Variants in ATP13A4 observed in about 807,000 individuals in gnomAD.
The protein encoded by ATP13A4 is probable cation-transporting ATPase 13A4.
A neutral mutation model predicts 142.5 loss-of-function variants in ATP13A4; 114 were observed. The observed-to-expected ratio is 0.80, with a 90% CI of 0.69 to 0.93. The LOEUF is 0.93. Ranked by LOEUF, ATP13A4 falls within the 40% of genes least tolerant of loss-of-function variation. ATP13A4 has a pLI of 0.00. For missense variants in ATP13A4, 1,392 were observed against 1,454.0 expected (o/e 0.96, Z 0.69); for synonymous variants, 488 against 514.8 (o/e 0.95, Z 0.70).
intron 29 of ATP13A4, among the ~76,000 whole-genome samples, chr3:193,406,824 T>C (rs988352919): frequency 1.3e-5 from 2 of 152,084 alleles, no homozygotes; most frequent in Admixed American, 6.5e-5. Flanking sequence ...GAAAGTAGAA[T>C]AGTGATTACC....
intron 8 of ATP13A4, 101 bp from the exon 9 acceptor site, chr3:193,471,094 A>G: frequency 1.2e-5 from 16 of 1,362,418 alleles, no homozygotes; most frequent in Non-Finnish European, 1.5e-5. Flanking sequence ...CAACCAAGAC[A>G]TTTTTTTTTT....
At chr3:193,479,279 A>G (rs527540385) in intron 8 of ATP13A4, among the ~76,000 whole-genome samples, 1 of 152,282 alleles carries the variant, frequency 6.6e-6, no homozygotes, top group African/African-American at 2.4e-5. Flanking sequence ...ACAATCAGAC[A>G]AGAGAAGGAA....
rs1361802616 is a variant in ATP13A4, at chr3:193,417,700, A to ATGTAAAGAAAAGAGAACACTTACAT, written c.2843-2951_2843-2950insATGTAAGTGTTCTCTTTTCTTTACA. ...ACCCAGAGACATTAGACAAAAAAGA[A>ATGTAAAGAAAAGAGAACACTTACAT]ATTGGCCAGGCGCGGTGGCTCATGC... On this transcript the variant is annotated intron_variant, in intron 25 of 29. Transcript: ENST00000342695. Among the ~76,000 whole-genome samples, 113 of 139,234 alleles carry ATGTAAAGAAAAGAGAACACTTACAT rather than the reference A, an allele frequency of 8.1e-4. 1 individual carries two copies. Among genetic ancestry groups the ATGTAAAGAAAAGAGAACACTTACAT allele is most frequent in the East Asian group, 3.5e-3 (13 of 3,724 alleles). The allele number at this position is 139,234 out of a possible 152,430, so 91.3% of individuals were successfully genotyped here.
At chr3:193,545,219 G>C (rs1414293993) in intron 1 of ATP13A4, among the ~76,000 whole-genome samples, 1 of 152,152 alleles carries the variant, frequency 6.6e-6, no homozygotes, top group Non-Finnish European at 1.5e-5. Context: ...TGAAACTCAA[G>C]TACCAGAGTT....
chr3:193,439,350 G>T (rs1355445996), intron 21 of ATP13A4, among the ~76,000 whole-genome samples: 1 of 152,180 alleles, frequency 6.6e-6, no homozygotes, highest in East Asian at 1.9e-4. Flanking sequence ...ACAATTCTAT[G>T]ATGTAAGTTT....
At chr3:193,408,924 T>C (rs895740984) in intron 28 of ATP13A4, among the ~76,000 whole-genome samples, 4 of 152,202 alleles carry the variant, frequency 2.6e-5, no homozygotes, top group Admixed American at 1.3e-4. Context: ...ACTCAACTTG[T>C]CATCTACATC....
At chr3:193,570,198 G>A (rs1228114853) in intron 2 of ATP13A4, among the ~76,000 whole-genome samples, 6 of 151,952 alleles carry the variant, frequency 3.9e-5, no homozygotes, top group African/African-American at 1.4e-4. Context: ...CTGTAATTCC[G>A]GCTACTCAGG....
intron 17 of ATP13A4, among the ~76,000 whole-genome samples, chr3:193,453,530 T>C (rs925615876): frequency 6.6e-6 from 1 of 152,220 alleles, no homozygotes; most frequent in African/African-American, 2.4e-5. Context: ...TACGCATCTC[T>C]ATTTTAATCC....
intron 1 of ATP13A4, among the ~76,000 whole-genome samples, chr3:193,548,456 A>T (rs535106896): frequency 2.6e-5 from 4 of 152,224 alleles, no homozygotes; most frequent in Non-Finnish European, 5.9e-5. Flanking sequence ...ACTTCATGGG[A>T]GTTCTGCAGC....
At chr3:193,552,494 G>T (rs1418799134) in intron 1 of ATP13A4, among the ~76,000 whole-genome samples, 2 of 152,174 alleles carry the variant, frequency 1.3e-5, no homozygotes, top group Non-Finnish European at 2.9e-5. Context: ...TTCTGGACTT[G>T]GAAGTCAGAG....
At chr3:193,541,046 G>C (rs898364237) in intron 1 of ATP13A4, among the ~76,000 whole-genome samples, 1 of 151,948 alleles carries the variant, frequency 6.6e-6, no homozygotes, top group Non-Finnish European at 1.5e-5. Context: ...TCAGGAGATC[G>C]AGAGCATCCT....
chr3:193,480,876 C>T (rs1437411889), intron 8 of ATP13A4, among the ~76,000 whole-genome samples: 1 of 152,110 alleles, frequency 6.6e-6, no homozygotes, highest in East Asian at 1.9e-4. Flanking sequence ...TGGAACAAGC[C>T]CAAATGCCCA....
At chr3:193,415,809 A>C (rs1270148010) in intron 25 of ATP13A4, among the ~76,000 whole-genome samples, 4 of 152,228 alleles carry the variant, frequency 2.6e-5, no homozygotes, top group Admixed American at 2.0e-4. Flanking sequence ...AGAAAAGCTA[A>C]GGAAATTTCC....
chr3:193,405,132 C>T (rs563932297), intron 29 of ATP13A4, among the ~76,000 whole-genome samples: 15 of 152,258 alleles, frequency 9.9e-5, no homozygotes, highest in African/African-American at 3.6e-4. Flanking sequence ...AGTGGTGGAG[C>T]CAGGATTCGA....
At chr3:193,543,090 C>T (rs1186899818) in intron 1 of ATP13A4, among the ~76,000 whole-genome samples, 1 of 150,788 alleles carries the variant, frequency 6.6e-6, no homozygotes, top group Non-Finnish European at 1.5e-5. Context: ...ATGGCGTGAA[C>T]CCAGGAGGCG....
chr3:193,489,585 G>A, intron 7 of ATP13A4, 145 bp downstream of exon 7: 2 of 800,596 alleles, frequency 2.5e-6, no homozygotes, highest in East Asian at 5.0e-5. Flanking sequence ...GTTGAACACT[G>A]GTTACTGTGC....
At chr3:193,531,984 C>T (rs1003601504) in intron 1 of ATP13A4, among the ~76,000 whole-genome samples, 6 of 152,200 alleles carry the variant, frequency 3.9e-5, no homozygotes, top group East Asian at 3.9e-4. Flanking sequence ...GCCCCTATTT[C>T]CAATCCATAA....
At chr3:193,501,608 A>G (rs1366182169) in intron 3 of ATP13A4, among the ~76,000 whole-genome samples, 1 of 151,700 alleles carries the variant, frequency 6.6e-6, no homozygotes, top group Admixed American at 6.6e-5. Context: ...AAAAAAAGAC[A>G]ACTGGGTGAT....
intron 1 of ATP13A4, among the ~76,000 whole-genome samples, chr3:193,528,406 T>C (rs1722127998): frequency 6.6e-6 from 1 of 152,230 alleles, no homozygotes; most frequent in Non-Finnish European, 1.5e-5. Flanking sequence ...CCATGATGCA[T>C]GGCTCAGGTT....
Sources: gnomAD v4.1 joint callset for allele counts (sites outside exome capture counted in the v4.1 genomes callset) on GRCh38, gnomAD v4.1.1 for gene constraint, MANE v1.5 for transcripts, NCBI Gene and HGNC (gene_info 2026-07-23, HGNC 2026-07-21) for gene names.